The following SDHAF3 variants were observed in gnomAD, a reference collection of about 807,000 sequenced individuals.
SDHAF3 encodes the protein succinate dehydrogenase assembly factor 3, mitochondrial.
Under a neutral mutation model 11.5 loss-of-function variants are expected in SDHAF3, and 18 were observed. The observed-to-expected ratio is 1.56, with a 90% CI of 1.08 to 2.32. The LOEUF (loss-of-function observed/expected upper bound fraction) is 2.32, where lower values mean the gene tolerates loss of function less well. SDHAF3 is among the 30% of genes most tolerant of loss of function. The probability of loss-of-function intolerance (pLI) is 0.00; values close to 1 mark genes in which losing one functional copy is unlikely to be tolerated. For synonymous variants in SDHAF3, 72 were observed against 59.3 expected (o/e 1.21, Z -0.99); for missense variants, 200 against 154.4 (o/e 1.30, Z -1.57).
intron 1 of SDHAF3, among the ~76,000 whole-genome samples, chr7:97,144,316 A>G (rs1789104046): frequency 6.6e-6 from 1 of 151,882 alleles, no homozygotes; most frequent in South Asian, 2.1e-4. Flanking sequence ...TTTTCTCTTC[A>G]GTTTAATTAG....
intron 1 of SDHAF3, among the ~76,000 whole-genome samples, chr7:97,139,330 G>T (rs1788991306): frequency 2.0e-5 from 3 of 152,232 alleles, no homozygotes; most frequent in African/African-American, 4.8e-5. Context: ...GAGATGGGCA[G>T]TTCCAAAATA....
intron 1 of SDHAF3, among the ~76,000 whole-genome samples, chr7:97,165,828 C>G (rs1789495653): frequency 1.3e-5 from 2 of 152,124 alleles, no homozygotes; most frequent in South Asian, 4.1e-4. Flanking sequence ...ACATTTTATT[C>G]TTTTCCTTTT....
chr7:97,139,343 G>T (rs1788991488), intron 1 of SDHAF3, among the ~76,000 whole-genome samples: 1 of 152,212 alleles, frequency 6.6e-6, no homozygotes, highest in Non-Finnish European at 1.5e-5. Context: ...CCAAAATACG[G>T]CTGAGTCTGG....
At chr7:97,141,523 A>G (rs1789040873) in intron 1 of SDHAF3, among the ~76,000 whole-genome samples, 1 of 152,170 alleles carries the variant, frequency 6.6e-6, no homozygotes, top group Non-Finnish European at 1.5e-5. Flanking sequence ...ACTTAGGGAA[A>G]ATAGAAAAGA....
At chr7:97,180,728 T>A (rs1250133629) in intron 1 of SDHAF3, among the ~76,000 whole-genome samples, 2 of 152,168 alleles carry the variant, frequency 1.3e-5, no homozygotes, top group Non-Finnish European at 2.9e-5. Flanking sequence ...TTGAGGTGGT[T>A]TATGCATGCT....
chr7:97,140,727 C>T (rs1789020914), intron 1 of SDHAF3, among the ~76,000 whole-genome samples: 1 of 148,634 alleles, frequency 6.7e-6, no homozygotes, highest in African/African-American at 2.5e-5. Context: ...TTAATCCCGT[C>T]ATCTTCGCAA....
In SDHAF3 at chr7:97,133,961, A is replaced by G. The variant is rs547155426; in HGVS notation, c.174+16064A>G. ...GGCCAAAACTGGAATATTATTGTAC[A>G]TGTCATAGGTTAAGTAGGAACAGTT... On this transcript the variant is annotated intron_variant, in intron 1 of 1. Transcript: ENST00000432641. Among the ~76,000 whole-genome samples, 4 of 152,374 alleles carry G rather than the reference A, an allele frequency of 2.6e-5. No individual in the cohort carries two copies. The South Asian group carries it at 6.2e-4, about 24-fold the overall frequency.
At chr7:97,130,080 CA>C (rs149651535) in intron 1 of SDHAF3, among the ~76,000 whole-genome samples, 1,736 of 152,074 alleles carry the variant, frequency 0.011, 34 homozygotes, top group African/African-American at 0.04. Flanking sequence ...CCAAAGGGGG[CA>C]TTACAGCATG....
intron 1 of SDHAF3, among the ~76,000 whole-genome samples, chr7:97,137,115 T>C (rs1343255691): frequency 6.6e-6 from 1 of 152,152 alleles, no homozygotes; most frequent in East Asian, 1.9e-4. Flanking sequence ...ATATACGAAC[T>C]AAAGCTGAGA....
chr7:97,129,062 G>A (rs867660957), intron 1 of SDHAF3, among the ~76,000 whole-genome samples: 14 of 152,138 alleles, frequency 9.2e-5, no homozygotes, highest in East Asian at 1.9e-4. Context: ...AAAAAGCAGT[G>A]TACTCTTTCC....
At chr7:97,162,334 CCTGGCTT>C (rs1224401077) in intron 1 of SDHAF3, among the ~76,000 whole-genome samples, 1 of 151,986 alleles carries the variant, frequency 6.6e-6, no homozygotes, top group Non-Finnish European at 1.5e-5. Flanking sequence ...TTAGCCAGCT[CCTGGCTT>C]CATTGATTTT....
At chr7:97,137,523 C>G (rs531685380) in intron 1 of SDHAF3, among the ~76,000 whole-genome samples, 160 of 152,294 alleles carry the variant, frequency 1.1e-3, no homozygotes, top group Non-Finnish European at 2.0e-3. Flanking sequence ...GGTGTTCACA[C>G]TATGTTGGAG....
intron 1 of SDHAF3, among the ~76,000 whole-genome samples, chr7:97,148,083 C>G (rs1033536519): frequency 2.0e-5 from 3 of 151,788 alleles, no homozygotes; most frequent in African/African-American, 7.3e-5. Context: ...TTTGTAGAGA[C>G]GGGGTTTCAC....
intron 1 of SDHAF3, among the ~76,000 whole-genome samples, chr7:97,138,142 A>G (rs1281516169): frequency 1.4e-5 from 2 of 147,248 alleles, no homozygotes; most frequent in South Asian, 2.2e-4. Flanking sequence ...CACAGGGGTG[A>G]GCCAGTGTGC....
chr7:97,169,115 C>T (rs913684821), intron 1 of SDHAF3, among the ~76,000 whole-genome samples: 5 of 152,096 alleles, frequency 3.3e-5, no homozygotes, highest in Admixed American at 1.3e-4. Flanking sequence ...CACTTGAGGT[C>T]AGGAGTTCAA....
intron 1 of SDHAF3, among the ~76,000 whole-genome samples, chr7:97,126,696 G>A (rs539246886): frequency 2.0e-5 from 3 of 152,216 alleles, no homozygotes; most frequent in Admixed American, 6.5e-5. Flanking sequence ...TGCTGGCAGC[G>A]AGAAATTCAA....
intron 1 of SDHAF3, among the ~76,000 whole-genome samples, chr7:97,179,092 A>C (rs908754603): frequency 3.9e-5 from 6 of 152,158 alleles, no homozygotes; most frequent in African/African-American, 1.4e-4. Flanking sequence ...TGTTGCCTAG[A>C]TTATTCTTTC....
intron 1 of SDHAF3, among the ~76,000 whole-genome samples, chr7:97,152,860 C>G (rs1174152984): frequency 6.6e-6 from 1 of 152,138 alleles, no homozygotes; most frequent in Non-Finnish European, 1.5e-5. Flanking sequence ...GTTTTGCCAT[C>G]TTGGCCAGTC....
intron 1 of SDHAF3, among the ~76,000 whole-genome samples, chr7:97,160,064 C>T (rs1050997220): frequency 7.2e-5 from 11 of 152,134 alleles, no homozygotes; most frequent in East Asian, 3.9e-4. Flanking sequence ...CGCCTCTGCC[C>T]GGCTGCCCTA....
Sources: allele counts gnomAD v4.1 joint callset (sites outside exome capture counted in the v4.1 genomes callset), GRCh38; gene constraint gnomAD v4.1.1; transcripts MANE v1.5; gene names NCBI Gene and HGNC (gene_info 2026-07-23, HGNC 2026-07-21).